Variants in GRIK2 observed in about 807,000 individuals in gnomAD.
GRIK2 encodes the protein glutamate ionotropic receptor kainate type subunit 2.
In GRIK2, 32 loss-of-function variants were observed where a neutral mutation model predicts 100.3. That is an observed-to-expected ratio of 0.32 (90% CI 0.24 to 0.43). The LOEUF is 0.43. GRIK2 is among the 20% of genes least tolerant of loss of function. The pLI is 1.00. For missense variants in GRIK2, 843 were observed against 1,114.9 expected (o/e 0.76, Z 3.47); for synonymous variants, 417 against 389.4 (o/e 1.07, Z -0.83).
At chr6:101,777,889 A>C (rs1441873722) in intron 7 of GRIK2, among the ~76,000 whole-genome samples, 1 of 152,210 alleles carries the variant, frequency 6.6e-6, no homozygotes, top group African/African-American at 2.4e-5. Flanking sequence ...GGCTTTACTC[A>C]CATTCCTCTC....
chr6:101,443,962 G>A (rs530754538), intron 2 of GRIK2, among the ~76,000 whole-genome samples: 1 of 151,668 alleles, frequency 6.6e-6, no homozygotes, highest in Admixed American at 6.6e-5. Context: ...ATGACTCACT[G>A]TAGCCTCTAC....
intron 2 of GRIK2, among the ~76,000 whole-genome samples, chr6:101,534,397 A>G (rs1490213145): frequency 6.6e-6 from 1 of 151,908 alleles, no homozygotes; most frequent in East Asian, 1.9e-4. Context: ...GTTTCTAAAT[A>G]CACTATTTTT....
chr6:101,450,863 G>C (rs1770637521), intron 2 of GRIK2, among the ~76,000 whole-genome samples: 1 of 151,684 alleles, frequency 6.6e-6, no homozygotes, highest in Non-Finnish European at 1.5e-5. Flanking sequence ...TTTTTTGTGT[G>C]TGTTTAGCTC....
intron 14 of GRIK2, among the ~76,000 whole-genome samples, chr6:101,956,864 A>G (rs1300611844): frequency 4.7e-5 from 7 of 148,618 alleles, no homozygotes; most frequent in Admixed American, 2.0e-4. Context: ...ATATACATAT[A>G]TATATATAAT....
chr6:101,914,994 C>T (rs1393166483), intron 12 of GRIK2, among the ~76,000 whole-genome samples: 1 of 151,356 alleles, frequency 6.6e-6, no homozygotes, highest in Non-Finnish European at 1.5e-5. Context: ...ATAGAAAACG[C>T]ATTATAGCCT....
intron 11 of GRIK2, among the ~76,000 whole-genome samples, chr6:101,889,314 A>G (rs1434207689): frequency 6.6e-6 from 1 of 151,896 alleles, no homozygotes; most frequent in Admixed American, 6.6e-5. Flanking sequence ...CAATTTTGAA[A>G]AGTCTAGTAG....
chr6:101,752,508 T>C (rs1421359701), intron 7 of GRIK2, among the ~76,000 whole-genome samples: 1 of 152,228 alleles, frequency 6.6e-6, no homozygotes. Context: ...CTGGAAAATA[T>C]TTTATTTCAT....
At chr6:101,717,206 G>A (rs955753511) in intron 7 of GRIK2, among the ~76,000 whole-genome samples, 4 of 151,674 alleles carry the variant, frequency 2.6e-5, no homozygotes, top group Admixed American at 6.6e-5. Context: ...AAGAGTAGGA[G>A]CAAACAATGA....
intron 15 of GRIK2, among the ~76,000 whole-genome samples, chr6:102,053,468 C>T (rs544543371): frequency 1.3e-5 from 2 of 152,186 alleles, no homozygotes; most frequent in Non-Finnish European, 2.9e-5. Flanking sequence ...TGTTAAAATG[C>T]TTTTAGTCAG....
intron 11 of GRIK2, among the ~76,000 whole-genome samples, chr6:101,878,082 AT>A (rs1785983314): frequency 9.7e-6 from 1 of 102,590 alleles, no homozygotes; most frequent in African/African-American, 4.5e-5. Flanking sequence ...ATATTATATT[AT>A]ATTATATTAT....
At chr6:102,004,967 T>TTTAA (rs1414546058) in intron 14 of GRIK2, among the ~76,000 whole-genome samples, 2 of 151,866 alleles carry the variant, frequency 1.3e-5, no homozygotes, top group Non-Finnish European at 1.5e-5. Context: ...AAAAATATTT[T>TTTAA]TTAATTTGTG....
intron 9 of GRIK2, among the ~76,000 whole-genome samples, chr6:101,811,387 A>G (rs111684556): frequency 0.026 from 3,907 of 152,138 alleles, 178 homozygotes; most frequent in African/African-American, 0.089. Context: ...ATGGAAAACT[A>G]TATTGCTTCT....
At chr6:101,804,560 G>A (rs1023609651) in intron 9 of GRIK2, among the ~76,000 whole-genome samples, 1 of 151,974 alleles carries the variant, frequency 6.6e-6, no homozygotes, top group Non-Finnish European at 1.5e-5. Context: ...AAAGCATTTG[G>A]ACTATGTTTT....
intron 16 of GRIK2, among the ~76,000 whole-genome samples, chr6:102,059,006 A>G (rs1262194559): frequency 1.3e-5 from 2 of 151,322 alleles, no homozygotes; most frequent in Non-Finnish European, 3.0e-5. Flanking sequence ...TTATGGGTGA[A>G]AATAAAATGC....
intron 5 of GRIK2, among the ~76,000 whole-genome samples, chr6:101,679,197 A>G (rs1771062888): frequency 6.6e-6 from 1 of 152,236 alleles, no homozygotes; most frequent in Non-Finnish European, 1.5e-5. Flanking sequence ...GAAAATGCTA[A>G]TAAAATCCTA....
chr6:101,928,695 T>A (rs1485839129), intron 14 of GRIK2, 63 bp downstream of exon 14: 2 of 809,138 alleles, frequency 2.5e-6, no homozygotes, highest in Non-Finnish European at 4.4e-6. Flanking sequence ...CTTCTCTCGA[T>A]TCACAAATGT....
intron 7 of GRIK2, among the ~76,000 whole-genome samples, chr6:101,711,794 C>T (rs1246557064): frequency 6.6e-6 from 1 of 150,852 alleles, no homozygotes; most frequent in African/African-American, 2.4e-5. Context: ...GTGGCATTTT[C>T]ATGTATTCTG....
At chr6:101,920,731 C>CTTTT (rs35117228) in intron 12 of GRIK2, among the ~76,000 whole-genome samples, 8 of 146,302 alleles carry the variant, frequency 5.5e-5, no homozygotes, top group East Asian at 4.0e-4. Context: ...AAATACAGGG[C>CTTTT]TTTTTTTTTT....
At chr6:101,740,632 T>C (rs1217388211) in intron 7 of GRIK2, among the ~76,000 whole-genome samples, 1 of 152,208 alleles carries the variant, frequency 6.6e-6, no homozygotes, top group Admixed American at 6.5e-5. Context: ...CTAGGTAATT[T>C]ATAAAGAAAA....
Sources: allele counts gnomAD v4.1 joint callset (sites outside exome capture counted in the v4.1 genomes callset), GRCh38; gene constraint gnomAD v4.1.1; transcripts MANE v1.5; gene names NCBI Gene and HGNC (gene_info 2026-07-23, HGNC 2026-07-21).